Variants in SAR1B observed in about 807,000 individuals in gnomAD.
The protein encoded by SAR1B is small COPII coat GTPase SAR1B.
A neutral mutation model predicts 26.8 loss-of-function variants in SAR1B; 23 were observed. The observed-to-expected ratio is 0.86, with a 90% CI of 0.62 to 1.22. The LOEUF (loss-of-function observed/expected upper bound fraction) is 1.22, where lower values mean the gene tolerates loss of function less well. SAR1B is among the 50% of genes most tolerant of loss of function. The probability of loss-of-function intolerance (pLI) is 0.00; values close to 1 mark genes in which losing one functional copy is unlikely to be tolerated. For synonymous variants in SAR1B, 65 were observed against 80.8 expected (o/e 0.80, Z 1.05); for missense variants, 196 against 232.8 (o/e 0.84, Z 1.03).
rs1281277229 is a variant in SAR1B at position 134,606,034 on chromosome 5, G to A, written c.*916C>T. ...GGGAAGAGGCACAGATTACCCCATT[G>A]GGCACCAATAAGACTGGAGCACTTC... is the stretch of plus-strand genomic sequence containing the variant. On this transcript the variant is annotated 3_prime_UTR_variant, in exon 7 of 7. Transcript: ENST00000402673. 3 of 152,152 alleles carry A rather than the reference G, an allele frequency of 2.0e-5. No individual in the cohort carries two copies. The highest frequency in any genetic ancestry group is 4.1e-4 in the South Asian group (2 of 4,820). The allele number at this position is 152,152 out of a possible 1,614,324, so 9.4% of individuals were successfully genotyped here. A position where few individuals can be genotyped will look rare whatever the true frequency, so the allele number is the denominator to read the frequency against.
intron 1 of SAR1B, among the ~76,000 whole-genome samples, chr5:134,628,636 C>T (rs1327309553): frequency 6.6e-6 from 1 of 151,902 alleles, no homozygotes; most frequent in East Asian, 1.9e-4. Flanking sequence ...AGCAACATAA[C>T]AAGATCCCAT....
intron 2 of SAR1B, among the ~76,000 whole-genome samples, chr5:134,621,475 A>AAAATAAATAAAT (rs56349566): frequency 6.7e-6 from 1 of 148,294 alleles, no homozygotes; most frequent in Non-Finnish European, 1.5e-5. Flanking sequence ...TCTGTCTCAA[A>AAAATAAATAAAT]AAATAAATAA....
Position 134,621,140 on chromosome 5 carries a change from T to C in SAR1B, c.59-88A>G, listed in dbSNP as rs1035206008. ...AAATTTGGCCCAATTAAGCTTGAAGTTCTAAACCTATTTTCAGTTTTAAAA... is the reference window on the plus strand; with the variant it reads ...AAATTTGGCCCAATTAAGCTTGAAGCTCTAAACCTATTTTCAGTTTTAAAA... On this transcript the variant is annotated intron_variant, in intron 2 of 6. Coordinates refer to ENST00000402673, the MANE Select transcript of SAR1B (RefSeq NM_016103.4). The C allele has an allele frequency of 2.1e-6, 3 of 1,407,686 alleles. No individual in the cohort carries two copies. In the African/African-American group the frequency reaches 4.2e-5, roughly 20 times the overall value. The allele number at this position is 1,407,686 out of a possible 1,614,324, so 87.2% of individuals were successfully genotyped here. A position where few individuals can be genotyped will look rare whatever the true frequency, so the allele number is the denominator to read the frequency against.
chr5:134,616,003 G>A (rs1471784244), intron 3 of SAR1B, among the ~76,000 whole-genome samples: 1 of 151,872 alleles, frequency 6.6e-6, no homozygotes, highest in Non-Finnish European at 1.5e-5. Flanking sequence ...AGCCAGGCGT[G>A]GTGGCAGATG....
At chr5:134,622,698 C>T (rs554297967) in intron 2 of SAR1B, among the ~76,000 whole-genome samples, 1 of 151,154 alleles carries the variant, frequency 6.6e-6, no homozygotes, top group African/African-American at 2.4e-5. Flanking sequence ...GCGTGAGCCA[C>T]CGCGCCCGGC....
intron 1 of SAR1B, among the ~76,000 whole-genome samples, chr5:134,630,866 T>A (rs987535152): frequency 4.0e-5 from 6 of 150,098 alleles, no homozygotes; most frequent in Admixed American, 3.3e-4. Context: ...GATTTTCATT[T>A]CCTTTTCTAT....
intron 1 of SAR1B, among the ~76,000 whole-genome samples, chr5:134,629,148 A>G (rs375872011): frequency 3.3e-5 from 5 of 151,522 alleles, no homozygotes; most frequent in South Asian, 2.1e-4. Context: ...TGAACTGGGC[A>G]TGATGGCTCA....
In SAR1B at chr5:134,608,460, A is replaced by T; in HGVS notation, c.392T>A (p.Ile131Asn). The T allele has an allele frequency of 1.2e-6, 2 of 1,612,374 alleles. No homozygotes were observed. The highest frequency in any genetic ancestry group is 1.7e-6 in the Non-Finnish European group (2 of 1,179,366). Residue 131 changes from isoleucine to asparagine, a missense_variant, in exon 6 of 7, where the codon ATT (isoleucine) becomes AAT (asparagine). Physicochemically the swap from Ile to Asn is moderately radical, Grantham distance 149. Transcript: ENST00000402673. ...DETIANVPIL[I>N]LGNKIDRPEA... The stretch of plus-strand genomic sequence containing the variant: ...AGGTCTGTCGATCTTATTCCCAAGA[A>T]TCAGTATAGGCACATTAGCAATGGT...
intron 3 of SAR1B, among the ~76,000 whole-genome samples, chr5:134,616,131 G>GAAA (rs1218921148): frequency 1.0e-4 from 7 of 69,450 alleles, no homozygotes; most frequent in Non-Finnish European, 1.7e-4. Flanking sequence ...CTCCATCTCG[G>GAAA]AAAAAAAAAA....
chr5:134,613,967 T>C (rs1765263752), intron 3 of SAR1B: 1 of 152,186 alleles, frequency 6.6e-6, no homozygotes, highest in South Asian at 2.1e-4. Context: ...TCTTTCTTTC[T>C]GCAGTACTGG....
chr5:134,608,070 C>CA (rs1158853732), intron 6 of SAR1B, among the ~76,000 whole-genome samples: 1 of 152,274 alleles, frequency 6.6e-6, no homozygotes, highest in East Asian at 1.9e-4. Flanking sequence ...CTTAAACACT[C>CA]AAATATATCG....
Position 134,612,690 on chromosome 5 carries a change from C to T in SAR1B, c.244+1G>A, listed in dbSNP as rs1216380135. Reference sequence around the variant, plus strand: ...AAAAAAAAAAAAAAAAAGAATCTTACCTTGAACATGTCCACCCAGATCAAA... The same window carrying T: ...AAAAAAAAAAAAAAAAAGAATCTTATCTTGAACATGTCCACCCAGATCAAA... On this transcript the variant is annotated splice_donor_variant, in intron 4 of 6. Coordinates refer to ENST00000402673, the MANE Select transcript of SAR1B (RefSeq NM_016103.4). LOFTEE classifies it high-confidence loss of function. 5.0e-6 allele frequency: 3 copies of T among 603,204 alleles called. No homozygotes were observed. Among genetic ancestry groups the T allele is most frequent in the Admixed American group, 2.8e-5 (1 of 35,528 alleles). 37.4% of individuals were successfully genotyped at this position (603,204 alleles called of 1,614,324 possible). A position where few individuals can be genotyped will look rare whatever the true frequency, so the allele number is the denominator to read the frequency against.
rs1765064615 is a variant in SAR1B at position 134,603,023 on chromosome 5, T to G, written c.*3927A>C. On this transcript the variant is annotated 3_prime_UTR_variant, in exon 7 of 7. Transcript: ENST00000402673. Reference sequence around the variant, plus strand: ...GGCTATATTTTATTCACTATTAATTTTGCATTAAGAAACTTATGTTTGCTA... The same window carrying G: ...GGCTATATTTTATTCACTATTAATTGTGCATTAAGAAACTTATGTTTGCTA... 6.6e-6 allele frequency: 1 copy of G among 152,248 alleles called. No homozygotes were observed. The highest frequency in any genetic ancestry group is 6.5e-5 in the Admixed American group (1 of 15,288). 9.4% of individuals were successfully genotyped at this position (152,248 alleles called of 1,614,324 possible). A position where few individuals can be genotyped will look rare whatever the true frequency, so the allele number is the denominator to read the frequency against.
Position 134,612,678 on chromosome 5 carries a change from A to AAAAAAAAAAAAT in SAR1B, c.244+12_244+13insATTTTTTTTTTT. On this transcript the variant is annotated intron_variant, in intron 4 of 6. Coordinates refer to ENST00000402673, the MANE Select transcript of SAR1B (RefSeq NM_016103.4). Reference sequence around the variant, plus strand: ...AAAAAAAAAAAAAAAAAAAAAAAAAAAAAGAATCTTACCTTGAACATGTCC... The same window carrying AAAAAAAAAAAAT: ...AAAAAAAAAAAAAAAAAAAAAAAAAAAAAAAAAAAAATAAAGAATCTTACCTTGAACATGTCC... 3 of 1,000,228 alleles carry AAAAAAAAAAAAT rather than the reference A, an allele frequency of 3.0e-6. No homozygotes were observed. Among genetic ancestry groups the AAAAAAAAAAAAT allele is most frequent in the South Asian group, 2.1e-5 (1 of 46,690 alleles). The allele number at this position is 1,000,228 out of a possible 1,614,324, so 62.0% of individuals were successfully genotyped here.
At chr5:134,610,944 A>G (rs985268860) in intron 4 of SAR1B, among the ~76,000 whole-genome samples, 5 of 151,004 alleles carry the variant, frequency 3.3e-5, no homozygotes, top group Non-Finnish European at 7.4e-5. Flanking sequence ...GTTCACTGCA[A>G]CCTCAGACTC....
chr5:134,631,308 G>A (rs926769209), intron 1 of SAR1B, among the ~76,000 whole-genome samples: 1 of 152,074 alleles, frequency 6.6e-6, no homozygotes, highest in Non-Finnish European at 1.5e-5. Flanking sequence ...CTCAGAAAAT[G>A]CCAATGAACT....
At chr5:134,609,252 C>T (rs779344736) in intron 5 of SAR1B, 15 of 421,662 alleles carry the variant, frequency 3.6e-5, no homozygotes, top group Non-Finnish European at 6.3e-5. Context: ...CTTAGCATGA[C>T]CAGGGACTCA....
At chr5:134,623,937 G>A in intron 2 of SAR1B, 25 bp downstream of exon 2, 1 of 1,511,664 alleles carries the variant, frequency 6.6e-7, no homozygotes, top group Non-Finnish European at 9.2e-7. Flanking sequence ...GGGGATAACT[G>A]TAGAGAACAA....
intron 3 of SAR1B, among the ~76,000 whole-genome samples, chr5:134,617,668 TGG>T (rs1765336099): frequency 6.6e-6 from 1 of 152,128 alleles, no homozygotes; most frequent in African/African-American, 2.4e-5. Context: ...TGGTTTTTGT[TGG>T]GTTTTTTTTC....
Sources: gnomAD v4.1 joint callset for allele counts (sites outside exome capture counted in the v4.1 genomes callset) on GRCh38, gnomAD v4.1.1 for gene constraint, MANE v1.5 for transcripts, NCBI Gene and HGNC (gene_info 2026-07-23, HGNC 2026-07-21) for gene names.